NUBPL: variants seen among roughly 807,000 people sequenced by gnomAD.
NUBPL encodes the protein NUBP iron-sulfur cluster assembly factor, mitochondrial, also known as iron-sulfur cluster transfer protein NUBPL.
A neutral mutation model predicts 45.7 loss-of-function variants in NUBPL; 31 were observed. That is an observed-to-expected ratio of 0.68 (90% CI 0.51 to 0.92). NUBPL has a LOEUF of 0.92. Among genes scored for constraint, NUBPL ranks in the 40% least tolerant of loss-of-function variants. The pLI is 0.00. For synonymous variants in NUBPL, 144 were observed against 140.9 expected, an observed-to-expected ratio of 1.02 and a Z score of -0.15; for missense variants, 401 against 398.7, an observed-to-expected ratio of 1.01 and a Z score of -0.05.
chr14:31,860,526 C>T lies in NUBPL; in HGVS notation c.*1346C>T, dbSNP rs1303934659. Reference sequence around the variant, plus strand: ...AGTCAGGTAGCAGATAGTTTTAAAGCTGCAAGTACTGATAAGTGTGAGCCA... The same window carrying T: ...AGTCAGGTAGCAGATAGTTTTAAAGTTGCAAGTACTGATAAGTGTGAGCCA... On this transcript the variant is annotated 3_prime_UTR_variant, in exon 11 of 11. Coordinates refer to ENST00000281081, the MANE Select transcript of NUBPL (RefSeq NM_025152.3). 6.6e-6 allele frequency: 1 copy of T among 152,088 alleles called. No homozygotes were observed. Among genetic ancestry groups the T allele is most frequent in the African/African-American group, 2.4e-5 (1 of 41,400 alleles). 9.4% of individuals were successfully genotyped at this position (152,088 alleles called of 1,614,324 possible).
intron 4 of NUBPL, among the ~76,000 whole-genome samples, chr14:31,632,046 GA>G (rs1415725583): frequency 6.6e-6 from 1 of 152,144 alleles, no homozygotes; most frequent in African/African-American, 2.4e-5. Context: ...CCAGCATGGA[GA>G]TAATCCTGGA....
chr14:31,654,750 A>G (rs1258645299), intron 4 of NUBPL, among the ~76,000 whole-genome samples: 1 of 152,170 alleles, frequency 6.6e-6, no homozygotes, highest in African/African-American at 2.4e-5. Context: ...TGTTTGTCAC[A>G]TTGATTGACT....
chr14:31,747,199 G>T (rs539261565), intron 6 of NUBPL, among the ~76,000 whole-genome samples: 1 of 145,052 alleles, frequency 6.9e-6, no homozygotes, highest in Non-Finnish European at 1.5e-5. Context: ...GCAGTGGCAC[G>T]ATCTTGGCTT....
At chr14:31,803,057 G>C (rs908813150) in intron 7 of NUBPL, among the ~76,000 whole-genome samples, 2 of 152,136 alleles carry the variant, frequency 1.3e-5, no homozygotes, top group African/African-American at 4.8e-5. Context: ...TACTTAATCA[G>C]TTATCTCTTT....
chr14:31,818,512 A>T (rs2039962743), intron 7 of NUBPL, among the ~76,000 whole-genome samples: 1 of 151,950 alleles, frequency 6.6e-6, no homozygotes, highest in South Asian at 2.1e-4. Context: ...TCCACTTATT[A>T]TTGTGTTTAA....
At chr14:31,845,017 C>T (rs977510806) in intron 8 of NUBPL, 6 of 152,098 alleles carry the variant, frequency 3.9e-5, no homozygotes, top group Non-Finnish European at 7.3e-5. Context: ...GTTCCAGAAT[C>T]GCCCTCCCCC....
intron 6 of NUBPL, among the ~76,000 whole-genome samples, chr14:31,765,986 G>A (rs2038905569): frequency 6.6e-6 from 1 of 152,122 alleles, no homozygotes. Context: ...AGTTTAAAAG[G>A]ACAGTTGTCA....
intron 6 of NUBPL, among the ~76,000 whole-genome samples, chr14:31,709,382 A>C (rs1776411644): frequency 6.6e-6 from 1 of 152,208 alleles, no homozygotes; most frequent in African/African-American, 2.4e-5. Flanking sequence ...AACACAGGTC[A>C]ACAGATGTTT....
chr14:31,798,681 A>C (rs916679505), intron 7 of NUBPL, among the ~76,000 whole-genome samples: 9 of 147,586 alleles, frequency 6.1e-5, no homozygotes, highest in African/African-American at 1.7e-4. Context: ...AGTCCTGGCT[A>C]CTCGGGAGGC....
intron 3 of NUBPL, among the ~76,000 whole-genome samples, chr14:31,576,347 G>A: frequency 6.6e-6 from 1 of 152,080 alleles, no homozygotes; most frequent in East Asian, 1.9e-4. Context: ...CTGCAGCCTT[G>A]AACCCGTGGG....
At chr14:31,846,849 A>G (rs1269252000) in intron 9 of NUBPL, among the ~76,000 whole-genome samples, 1 of 151,970 alleles carries the variant, frequency 6.6e-6, no homozygotes, top group East Asian at 1.9e-4. Flanking sequence ...CCAGCTACTC[A>G]GGAGGCTGAG....
chr14:31,672,342 A>G lies in NUBPL; in HGVS notation c.383-1013A>G, dbSNP rs114726587. 1.8e-4 allele frequency among the ~76,000 whole-genome samples: 27 copies of G among 152,152 alleles called. 1 individual carries two copies. The highest frequency in any genetic ancestry group is 5.8e-4 in the African/African-American group (24 of 41,524). ...ATACACATACATGTATGCACATATTAGATTAGCATATATATAATTTATATG... is the reference window on the plus strand; with the variant it reads ...ATACACATACATGTATGCACATATTGGATTAGCATATATATAATTTATATG... On this transcript the variant is annotated intron_variant, in intron 4 of 10. Transcript: ENST00000281081.
chr14:31,848,479 T>C (rs1388260722), intron 9 of NUBPL, among the ~76,000 whole-genome samples: 2 of 152,206 alleles, frequency 1.3e-5, no homozygotes, highest in Non-Finnish European at 2.9e-5. Flanking sequence ...GTACGATAGC[T>C]CTTGAGAACC....
chr14:31,801,538 G>A (rs1430430), intron 7 of NUBPL, among the ~76,000 whole-genome samples: 143,566 of 152,270 alleles, frequency 0.94, 68,089 homozygotes, highest in East Asian at 1. Context: ...AATTGATACT[G>A]TCACAAAGCA....
intron 4 of NUBPL, among the ~76,000 whole-genome samples, chr14:31,625,243 A>C (rs1170650741): frequency 1.3e-5 from 2 of 152,082 alleles, no homozygotes; most frequent in East Asian, 3.9e-4. Context: ...TAAATAGGAT[A>C]ATAATTGAAA....
chr14:31,738,163 T>G (rs1258347608), intron 6 of NUBPL, among the ~76,000 whole-genome samples: 1 of 152,202 alleles, frequency 6.6e-6, no homozygotes, highest in Admixed American at 6.5e-5. Context: ...ATATGTTTAG[T>G]TTTGCTTACA....
intron 6 of NUBPL, among the ~76,000 whole-genome samples, chr14:31,746,874 A>G (rs1257911187): frequency 1.3e-5 from 2 of 151,824 alleles, no homozygotes; most frequent in Non-Finnish European, 2.9e-5. Flanking sequence ...GCTTGAGACC[A>G]GCCTGGGCAA....
intron 6 of NUBPL, among the ~76,000 whole-genome samples, chr14:31,675,287 T>A (rs1284539207): frequency 3.3e-5 from 5 of 152,230 alleles, no homozygotes; most frequent in African/African-American, 1.2e-4. Flanking sequence ...TATATCTATC[T>A]TACAGTCTTT....
chr14:31,636,737 G>C (rs2035514643), intron 4 of NUBPL, among the ~76,000 whole-genome samples: 1 of 152,144 alleles, frequency 6.6e-6, no homozygotes, highest in Non-Finnish European at 1.5e-5. Flanking sequence ...TTTTTAGTTG[G>C]TAAGCTATTG....
Sources: allele counts gnomAD v4.1 joint callset (sites outside exome capture counted in the v4.1 genomes callset), GRCh38; gene constraint gnomAD v4.1.1; transcripts MANE v1.5; gene names NCBI Gene and HGNC (gene_info 2026-07-23, HGNC 2026-07-21).